SEC23A: variants seen among roughly 807,000 people sequenced by gnomAD.
SEC23A encodes SEC23 homolog A, COPII component.
Under a neutral mutation model 103.7 loss-of-function variants are expected in SEC23A, and 56 were observed. The observed-to-expected ratio is 0.54, with a 90% CI of 0.44 to 0.67. SEC23A has a LOEUF of 0.67. Ranked by LOEUF, SEC23A falls within the 30% of genes least tolerant of loss-of-function variation. The pLI, the probability that SEC23A is intolerant of heterozygous loss-of-function variation, is 0.00. For synonymous variants in SEC23A, 281 were observed against 293.0 expected, an observed-to-expected ratio of 0.96 and a Z score of 0.42; for missense variants, 784 against 936.4, an observed-to-expected ratio of 0.84 and a Z score of 2.12.
intron 2 of SEC23A, among the ~76,000 whole-genome samples, chr14:39,095,384 T>C (rs1278820263): frequency 3.3e-5 from 5 of 151,372 alleles, no homozygotes; most frequent in Non-Finnish European, 5.9e-5. Context: ...GCAACCTCCA[T>C]CTCTCAGGTT....
intron 1 of SEC23A, among the ~76,000 whole-genome samples, chr14:39,101,211 T>C (rs574346345): frequency 2.6e-5 from 4 of 152,278 alleles, no homozygotes; most frequent in African/African-American, 9.6e-5. Context: ...ATGTCCAATT[T>C]CAGTACAATA....
At chr14:39,067,825 C>A (rs922799515) in intron 9 of SEC23A, among the ~76,000 whole-genome samples, 1 of 151,926 alleles carries the variant, frequency 6.6e-6, no homozygotes, top group Admixed American at 6.6e-5. Context: ...TGCACCAACA[C>A]GCCCAGCTAA....
intron 14 of SEC23A, among the ~76,000 whole-genome samples, chr14:39,049,175 TAA>T (rs57579296): frequency 4.3e-5 from 6 of 138,444 alleles, no homozygotes; most frequent in Non-Finnish European, 6.2e-5. Flanking sequence ...CCATCGCTAT[TAA>T]AAAAAAAAAA....
intron 14 of SEC23A, among the ~76,000 whole-genome samples, chr14:39,052,904 G>A (rs1460677030): frequency 6.6e-6 from 1 of 152,194 alleles, no homozygotes; most frequent in African/African-American, 2.4e-5. Flanking sequence ...AGGAGGCCAA[G>A]GCAGGTGGAC....
At chr14:39,082,392 A>G (rs1442374431) in intron 7 of SEC23A, among the ~76,000 whole-genome samples, 4 of 152,102 alleles carry the variant, frequency 2.6e-5, no homozygotes, top group Admixed American at 2.6e-4. Flanking sequence ...ATAATTGATC[A>G]GAAAAGAATC....
chr14:39,051,164 T>C (rs1439756325), intron 14 of SEC23A, among the ~76,000 whole-genome samples: 2 of 152,256 alleles, frequency 1.3e-5, no homozygotes, highest in African/African-American at 4.8e-5. Context: ...TAGTAATATG[T>C]TTTCTTTTCC....
chr14:39,095,166 A>G, intron 2 of SEC23A: 1 of 527,110 alleles, frequency 1.9e-6, no homozygotes, highest in Non-Finnish European at 3.3e-6. Flanking sequence ...CTAGAGGTAG[A>G]TCACCCAGAT....
intron 1 of SEC23A, among the ~76,000 whole-genome samples, chr14:39,098,906 A>T (rs533877933): frequency 1.1e-4 from 16 of 152,116 alleles, no homozygotes; most frequent in Non-Finnish European, 2.1e-4. Context: ...ACAAAAAAAA[A>T]AAATAAAATG....
chr14:39,055,668 C>G (rs913055786), intron 13 of SEC23A, among the ~76,000 whole-genome samples: 10 of 152,156 alleles, frequency 6.6e-5, no homozygotes, highest in African/African-American at 2.2e-4. Context: ...ATTAGGCTAA[C>G]TCATCCCAAA....
chr14:39,055,111 A>G (rs199637415), intron 14 of SEC23A, 32 bp downstream of exon 14: 6 of 1,613,324 alleles, frequency 3.7e-6, no homozygotes, highest in Middle Eastern at 1.6e-4. Context: ...GAAAGCATAC[A>G]GATTTAGAAA....
chr14:39,096,469 G>A (rs992503118), intron 1 of SEC23A, among the ~76,000 whole-genome samples: 12 of 151,856 alleles, frequency 7.9e-5, no homozygotes, highest in African/African-American at 2.7e-4. Context: ...GGCAAAGTTT[G>A]TGGTGAGCCG....
chr14:39,074,712 C>T (rs1886955779), intron 8 of SEC23A, among the ~76,000 whole-genome samples, 182 bp from the exon 9 acceptor site: 1 of 152,176 alleles, frequency 6.6e-6, no homozygotes, highest in African/African-American at 2.4e-5. Context: ...CTGACATTTT[C>T]ACATTTTCCT....
At chr14:39,044,744 G>A (rs1885771515) in intron 16 of SEC23A, among the ~76,000 whole-genome samples, 1 of 152,098 alleles carries the variant, frequency 6.6e-6, no homozygotes, top group Non-Finnish European at 1.5e-5. Context: ...AGGAAAATGA[G>A]ATTAAAACAA....
At chr14:39,099,297 T>C (rs1888002932) in intron 1 of SEC23A, among the ~76,000 whole-genome samples, 1 of 151,612 alleles carries the variant, frequency 6.6e-6, no homozygotes, top group South Asian at 2.1e-4. Flanking sequence ...TAGCTGGGAC[T>C]ACATGCGCGT....
intron 13 of SEC23A, among the ~76,000 whole-genome samples, chr14:39,058,252 C>T (rs929712420): frequency 2.6e-5 from 4 of 151,692 alleles, no homozygotes; most frequent in Non-Finnish European, 5.9e-5. Flanking sequence ...ATTCAGGCAG[C>T]AGCATGTTTA....
chr14:39,086,862 G>T, intron 6 of SEC23A, 67 bp downstream of exon 6: 1 of 917,284 alleles, frequency 1.1e-6, no homozygotes. Context: ...GAATGCCTAT[G>T]TTCAAGGGTA....
At chr14:39,086,840 T>G in intron 6 of SEC23A, 89 bp downstream of exon 6, 1 of 776,296 alleles carries the variant, frequency 1.3e-6, no homozygotes, top group Non-Finnish European at 2.3e-6. Context: ...TATTTAACAA[T>G]ATAGTATCAC....
Position 39,083,563 on chromosome 14 carries a change from C to CTTTTTTTTTTTTTTTTTTT in SEC23A, c.828+2198_828+2199insAAAAAAAAAAAAAAAAAAA, listed in dbSNP as rs71130810. ...CCTCAGCCTTGGCAAAATAAACTTTCTTTTTTTTTTTTTTTTTGAGATGGA... is the reference window on the plus strand; with the variant it reads ...CCTCAGCCTTGGCAAAATAAACTTTCTTTTTTTTTTTTTTTTTTTTTTTTTTTTTTTTTTTTGAGATGGA... On this transcript the variant is annotated intron_variant, in intron 7 of 19. Coordinates refer to ENST00000307712, the MANE Select transcript of SEC23A (RefSeq NM_006364.4). 4.4e-5 allele frequency among the ~76,000 whole-genome samples: 4 copies of CTTTTTTTTTTTTTTTTTTT among 91,818 alleles called. 1 individual carries two copies. Among genetic ancestry groups the CTTTTTTTTTTTTTTTTTTT allele is most frequent in the Non-Finnish European group, 6.3e-5 (3 of 47,262 alleles). 60.2% of individuals were successfully genotyped at this position (91,818 alleles called of 152,430 possible).
intron 5 of SEC23A, among the ~76,000 whole-genome samples, chr14:39,089,582 A>G (rs78972795): frequency 0.012 from 1,802 of 152,172 alleles, 19 homozygotes; most frequent in Non-Finnish European, 0.021. Flanking sequence ...CCTTCCTCCT[A>G]AAGTACATCT....
Sources: allele counts gnomAD v4.1 joint callset (sites outside exome capture counted in the v4.1 genomes callset), GRCh38; gene constraint gnomAD v4.1.1; transcripts MANE v1.5; gene names NCBI Gene and HGNC (gene_info 2026-07-23, HGNC 2026-07-21).